Variants in REL observed in about 807,000 individuals in gnomAD.
REL encodes the protein REL proto-oncogene, NF-kB subunit.
A neutral mutation model predicts 45.9 loss-of-function variants in REL; 15 were observed. That is an observed-to-expected ratio of 0.33 (90% CI 0.22 to 0.50). REL has a LOEUF of 0.50. Ranked by LOEUF, REL falls within the 20% of genes least tolerant of loss-of-function variation. The pLI, the probability that REL is intolerant of heterozygous loss-of-function variation, is 0.98. For missense variants in REL, 601 were observed against 715.2 expected, an observed-to-expected ratio of 0.84 and a Z score of 1.82; for synonymous variants, 239 against 242.1, an observed-to-expected ratio of 0.99 and a Z score of 0.12.
chr2:60,905,661 A>G (rs1432479441), intron 4 of REL, among the ~76,000 whole-genome samples: 1 of 152,202 alleles, frequency 6.6e-6, no homozygotes, highest in Non-Finnish European at 1.5e-5. Context: ...CTCAGGAGAC[A>G]GAAGGAGAGA....
In REL at chr2:60,926,384, T is replaced by G. The variant is rs1558828519; in HGVS notation, c.*3849T>G. ...TAGCTCCTACAATTTTCTTAGGATATTCTGGGAAAGATGAGCGGAGACTGC... is the reference window on the plus strand; with the variant it reads ...TAGCTCCTACAATTTTCTTAGGATAGTCTGGGAAAGATGAGCGGAGACTGC... On this transcript the variant is annotated 3_prime_UTR_variant, in exon 10 of 10. Coordinates refer to ENST00000394479, the MANE Select transcript of REL (RefSeq NM_001291746.2). 4.3e-6 allele frequency: 1 copy of G among 232,250 alleles called. No homozygotes were observed. The highest frequency in any genetic ancestry group is 5.6e-5 in the Admixed American group (1 of 17,760). 14.4% of individuals were successfully genotyped at this position (232,250 alleles called of 1,614,324 possible).
chr2:60,915,891 C>A (rs923185609), intron 4 of REL, among the ~76,000 whole-genome samples: 5 of 152,078 alleles, frequency 3.3e-5, no homozygotes, highest in Non-Finnish European at 5.9e-5. Context: ...CGTAAAATTT[C>A]TTATGGAAAC....
intron 1 of REL, among the ~76,000 whole-genome samples, chr2:60,885,561 C>T (rs1007792953): frequency 6.6e-6 from 1 of 152,040 alleles, no homozygotes; most frequent in African/African-American, 2.4e-5. Context: ...TCTTAAGGCC[C>T]AGTTGAAAGT....
At chr2:60,917,710 G>GTGTA (rs1377434924) in intron 5 of REL, among the ~76,000 whole-genome samples, 1 of 149,356 alleles carries the variant, frequency 6.7e-6, no homozygotes, top group Non-Finnish European at 1.5e-5. Context: ...GTGTGTGTGT[G>GTGTA]TGTGTACGTG....
chr2:60,917,105 C>A, intron 5 of REL, 88 bp downstream of exon 5: 1 of 1,145,076 alleles, frequency 8.7e-7, no homozygotes, highest in South Asian at 1.5e-5. Flanking sequence ...ATTAGGAAAA[C>A]AATATATTCA....
chr2:60,886,242 T>A (rs1401804863), intron 1 of REL, among the ~76,000 whole-genome samples: 1 of 152,238 alleles, frequency 6.6e-6, no homozygotes, highest in Non-Finnish European at 1.5e-5. Context: ...TAAGGACATG[T>A]ATGTTTTGAA....
intron 4 of REL, among the ~76,000 whole-genome samples, chr2:60,916,670 G>A (rs1261491366): frequency 6.6e-6 from 1 of 152,096 alleles, no homozygotes; most frequent in East Asian, 1.9e-4. Flanking sequence ...TCCTGAACAT[G>A]GCTATAATTT....
Position 60,925,890 on chromosome 2 carries a change from A to G in REL, c.*3355A>G, listed in dbSNP as rs1674255622. On this transcript the variant is annotated 3_prime_UTR_variant, in exon 10 of 10. Coordinates refer to ENST00000394479, the MANE Select transcript of REL (RefSeq NM_001291746.2). ...GTTTAGAATATTTTTTTAAAACTAAATAAGTGTTGGCTAGTTTTGCGGTGT... is the reference window on the plus strand; with the variant it reads ...GTTTAGAATATTTTTTTAAAACTAAGTAAGTGTTGGCTAGTTTTGCGGTGT... 4 of 224,044 alleles carry G rather than the reference A, an allele frequency of 1.8e-5. No homozygotes were observed. Among genetic ancestry groups the G allele is most frequent in the Non-Finnish European group, 3.6e-5 (4 of 111,976 alleles). 13.9% of individuals were successfully genotyped at this position (224,044 alleles called of 1,614,324 possible). A position where few individuals can be genotyped will look rare whatever the true frequency, so the allele number is the denominator to read the frequency against.
chr2:60,910,855 C>A lies in REL; in HGVS notation c.395-6022C>A, dbSNP rs192860442. Among the ~76,000 whole-genome samples, 8 of 152,190 alleles carry A rather than the reference C, an allele frequency of 5.3e-5. No individual in the cohort carries two copies. In the East Asian group the frequency reaches 1.5e-3, roughly 29 times the overall value. ...GCTGAGGCGTTAGAATCTCTTGAAC[C>A]CTGGAGGCAGAGGCTGCAGTGAGCC... On this transcript the variant is annotated intron_variant, in intron 4 of 9. Transcript: ENST00000394479.
At chr2:60,886,722 T>A (rs1256332613) in intron 1 of REL, among the ~76,000 whole-genome samples, 1 of 152,172 alleles carries the variant, frequency 6.6e-6, no homozygotes, top group East Asian at 1.9e-4. Context: ...TCCGATAATT[T>A]ATGATCCATT....
intron 4 of REL, 65 bp downstream of exon 4, chr2:60,901,148 C>CT: frequency 2.4e-6 from 2 of 849,420 alleles, no homozygotes; most frequent in Non-Finnish European, 3.0e-6. Flanking sequence ...TTTTTTCTTT[C>CT]TCTTTTTTTT....
chr2:60,920,508 C>T (rs889853358), intron 8 of REL, 66 bp from the exon 9 acceptor site: 1 of 1,322,638 alleles, frequency 7.6e-7, no homozygotes, highest in Non-Finnish European at 1.1e-6. Context: ...GCCAGTTTTT[C>T]AGATTTTAAC....
intron 4 of REL, among the ~76,000 whole-genome samples, chr2:60,906,952 T>G: frequency 6.8e-6 from 1 of 146,936 alleles, no homozygotes; most frequent in South Asian, 2.2e-4. Context: ...AGAGTTTCGC[T>G]CTTGTTGCCC....
In REL at chr2:60,922,257, T is replaced by G; in HGVS notation, c.1486T>G (p.Leu496Val). ...NLENPSCNSV[L>V]DPRDLRQLHQ... ...TGAAAACCCCTCATGTAATTCAGTG[T>G]TAGACCCAAGAGACTTGAGACAGCT... Residue 496 changes from leucine (L) to valine (V), a missense_variant, in exon 10 of 10, where the codon TTA (leucine) becomes GTA (valine). Physicochemically the swap from Leu to Val is conservative, Grantham distance 32. This residue lies in a region of REL where 334 missense variants were observed against 333.1 expected (regional missense o/e 1.00). Transcript: ENST00000394479. 1 of 1,614,210 alleles carries G rather than the reference T, an allele frequency of 6.2e-7. No homozygotes were observed. The highest frequency in any genetic ancestry group is 8.5e-7 in the Non-Finnish European group (1 of 1,180,032).
rs765974819 is a variant in REL, at chr2:60,916,862, T to C, written c.395-15T>C. 2.5e-6 allele frequency: 4 copies of C among 1,601,912 alleles called. No individual in the cohort carries two copies. In the South Asian group the frequency reaches 3.4e-5, roughly 13 times the overall value. On this transcript the variant is annotated splice_polypyrimidine_tract_variant and intron_variant, in intron 4 of 9. Coordinates refer to ENST00000394479, the MANE Select transcript of REL (RefSeq NM_001291746.2). Reference sequence around the variant, plus strand: ...TGTGACTATTACATTTAAAAAATTTTTTTTTTCTATTCAGTCCCTGAAAAA... The same window carrying C: ...TGTGACTATTACATTTAAAAAATTTCTTTTTTCTATTCAGTCCCTGAAAAA...
intron 1 of REL, 115 bp from the exon 2 acceptor site, chr2:60,891,548 CGGTCTTGTTATTTAATGTTA>C: frequency 2.7e-6 from 2 of 740,080 alleles, no homozygotes; most frequent in Non-Finnish European, 4.2e-6. Context: ...GATAACATTT[CGGTCTTGTTATTTAATGTTA>C]GGAGGAAAAA....
Position 60,901,195 on chromosome 2 carries a change from C to T in REL, c.394+112C>T, listed in dbSNP as rs182765054. ...TTTTGAGACGGAGTTTTGCTCTTGT[C>T]GCCAGGCTGGAGTGCAATGGCGCGA... On this transcript the variant is annotated intron_variant, in intron 4 of 9. Transcript: ENST00000394479. 3.2e-5 allele frequency: 40 copies of T among 1,258,166 alleles called. No individual in the cohort carries two copies. The East Asian group carries it at 1.0e-3, about 33-fold the overall frequency. The allele number at this position is 1,258,166 out of a possible 1,614,324, so 77.9% of individuals were successfully genotyped here. A position where few individuals can be genotyped will look rare whatever the true frequency, so the allele number is the denominator to read the frequency against.
At chr2:60,891,605 A>G (rs1352484441) in intron 1 of REL, 78 bp from the exon 2 acceptor site, 24 of 1,270,478 alleles carry the variant, frequency 1.9e-5, no homozygotes, top group Non-Finnish European at 2.5e-5. Flanking sequence ...TGCTGTTATA[A>G]AAAAAACAGA....
intron 3 of REL, chr2:60,899,661 A>C (rs901463010): frequency 1.3e-5 from 2 of 152,318 alleles, no homozygotes; most frequent in African/African-American, 4.8e-5. Flanking sequence ...TGAAGTTTGA[A>C]CAATAGTAAT....
Sources: gnomAD v4.1 joint callset for allele counts (sites outside exome capture counted in the v4.1 genomes callset) on GRCh38, gnomAD v4.1.1 for gene constraint, gnomAD v4.1.1 regional missense constraint, MANE v1.5 for transcripts, NCBI Gene and HGNC (gene_info 2026-07-23, HGNC 2026-07-21) for gene names.